ARMH4: variants seen among roughly 807,000 people sequenced by gnomAD.
The protein encoded by ARMH4 is armadillo-like helical domain-containing protein 4.
In ARMH4, 49 loss-of-function variants were observed where a neutral mutation model predicts 61.9. That is an observed-to-expected ratio of 0.79 (90% CI 0.63 to 1.00). The LOEUF (loss-of-function observed/expected upper bound fraction) is 1.00. Among genes scored for constraint, ARMH4 ranks in the 50% least tolerant of loss-of-function variants. ARMH4 has a pLI of 0.00. For missense variants in ARMH4, 934 were observed against 930.0 expected, an observed-to-expected ratio of 1.00 and a Z score of -0.06; for synonymous variants, 368 against 341.5, an observed-to-expected ratio of 1.08 and a Z score of -0.85.
At chr14:58,023,727 T>C (rs1882924684) in intron 5 of ARMH4, among the ~76,000 whole-genome samples, 1 of 152,198 alleles carries the variant, frequency 6.6e-6, no homozygotes, top group Non-Finnish European at 1.5e-5. Flanking sequence ...CCTTATGAAA[T>C]GTATTTCTTA....
intron 2 of ARMH4, among the ~76,000 whole-genome samples, chr14:58,135,494 G>A (rs1162751435): frequency 6.6e-6 from 1 of 152,098 alleles, no homozygotes. Flanking sequence ...GTAATTTTAT[G>A]AAATAGCAAG....
At chr14:58,046,385 T>C (rs1251235983) in intron 5 of ARMH4, among the ~76,000 whole-genome samples, 1 of 152,172 alleles carries the variant, frequency 6.6e-6, no homozygotes, top group Non-Finnish European at 1.5e-5. Context: ...ATATATTATA[T>C]TTAAATTGTA....
intron 5 of ARMH4, among the ~76,000 whole-genome samples, chr14:58,064,166 T>C (rs1473178290): frequency 1.3e-5 from 2 of 150,040 alleles, no homozygotes; most frequent in African/African-American, 2.5e-5. Flanking sequence ...CTTATAATAT[T>C]TATGCATTCA....
rs763551388 is a variant in ARMH4 at position 58,138,378 on chromosome 14, G to C, written c.981C>G (p.Thr327=). The C allele has an allele frequency of 6.2e-7, 1 of 1,614,128 alleles. No homozygotes were observed. Among genetic ancestry groups the C allele is most frequent in the East Asian group, 2.2e-5 (1 of 44,872 alleles). ...TKLESVSRIR[T]PKLGDNEETQ... ...TCTCTTCATTGTCTCCAAGCTTGGG[G>C]GTCCTTATCCGGCTTACACTCTCTA... Residue 327 remains threonine (T), a synonymous_variant, in exon 2 of 8, where the codon ACC becomes ACG. Coordinates refer to ENST00000267485, the MANE Select transcript of ARMH4 (RefSeq NM_001001872.4).
intron 5 of ARMH4, among the ~76,000 whole-genome samples, chr14:58,075,827 C>T (rs1197912082): frequency 6.6e-6 from 1 of 152,136 alleles, no homozygotes; most frequent in African/African-American, 2.4e-5. Context: ...CAAATCTTGG[C>T]TCTGCCATTT....
Position 58,100,126 on chromosome 14 carries a change from G to A in ARMH4, c.1832-3145C>T, listed in dbSNP as rs114731554. Among the ~76,000 whole-genome samples the A allele has an allele frequency of 7.9e-3, 1,209 of 152,292 alleles. 16 individuals carry two copies. The highest frequency in any genetic ancestry group is 0.028 in the African/African-American group (1,156 of 41,554). On this transcript the variant is annotated intron_variant, in intron 4 of 7. Transcript: ENST00000267485. ...AGGCAGAGAAACAGGCATGGTGCAG[G>A]AAGGTGGGCAGATTTGGTGGGTAGG...
At chr14:58,074,374 A>G (rs1884977763) in intron 5 of ARMH4, among the ~76,000 whole-genome samples, 1 of 152,178 alleles carries the variant, frequency 6.6e-6, no homozygotes, top group African/African-American at 2.4e-5. Context: ...ATCTACTGTT[A>G]AACTATTCCT....
chr14:58,053,729 G>A (rs1594725208), intron 5 of ARMH4, among the ~76,000 whole-genome samples: 1 of 152,240 alleles, frequency 6.6e-6, no homozygotes, highest in Middle Eastern at 3.4e-3. Flanking sequence ...CCTGTGTCTG[G>A]GAGCACACTG....
intron 5 of ARMH4, among the ~76,000 whole-genome samples, chr14:58,088,137 A>C: frequency 6.6e-6 from 1 of 152,200 alleles, no homozygotes; most frequent in East Asian, 1.9e-4. Flanking sequence ...AATAGGTACG[A>C]TACAGCAGGA....
At chr14:58,055,711 G>A (rs924077965) in intron 5 of ARMH4, among the ~76,000 whole-genome samples, 5 of 152,200 alleles carry the variant, frequency 3.3e-5, no homozygotes, top group Admixed American at 1.3e-4. Flanking sequence ...ACTTTAATCA[G>A]ATGCCCAGAT....
intron 4 of ARMH4, among the ~76,000 whole-genome samples, chr14:58,100,401 G>A (rs376879468): frequency 2.0e-5 from 3 of 152,278 alleles, no homozygotes; most frequent in East Asian, 3.9e-4. Flanking sequence ...TCAGCTGCTT[G>A]GGCGCAGGCA....
chr14:58,129,202 G>C (rs1887002995), intron 4 of ARMH4, among the ~76,000 whole-genome samples: 1 of 152,176 alleles, frequency 6.6e-6, no homozygotes, highest in Non-Finnish European at 1.5e-5. Context: ...GTGAGAAGCA[G>C]GGAAGAAGAC....
At chr14:58,104,860 G>A (rs1431574789) in intron 4 of ARMH4, among the ~76,000 whole-genome samples, 1 of 152,186 alleles carries the variant, frequency 6.6e-6, no homozygotes, top group Non-Finnish European at 1.5e-5. Context: ...TATAAACAAT[G>A]AGATAGATGC....
At chr14:58,099,366 A>G (rs1295801805) in intron 4 of ARMH4, among the ~76,000 whole-genome samples, 1 of 152,196 alleles carries the variant, frequency 6.6e-6, no homozygotes, top group Non-Finnish European at 1.5e-5. Context: ...AGGAAACAGG[A>G]GTAACCACCA....
chr14:58,071,628 A>G (rs1884885402), intron 5 of ARMH4, among the ~76,000 whole-genome samples: 1 of 152,098 alleles, frequency 6.6e-6, no homozygotes, highest in Non-Finnish European at 1.5e-5. Context: ...GAAATAAGGG[A>G]AAGACAGACT....
At chr14:58,097,694 T>A (rs910999286) in intron 4 of ARMH4, among the ~76,000 whole-genome samples, 68 of 124,730 alleles carry the variant, frequency 5.5e-4, no homozygotes, top group Middle Eastern at 8.5e-3. Flanking sequence ...TTTTTTTTTT[T>A]ATTTTTTATT....
rs1028923335 is a variant in ARMH4 at position 58,138,952 on chromosome 14, G to C, written c.407C>G (p.Pro136Arg). ...CATGGCCTTGGCAAGTCCACTTTCA[G>C]GAGATATTCTCTCTGGCTGGCTGGA... The part of the protein sequence containing the change: ...FGSSQPERIS[P>R]ESGLAKAMLT... Residue 136 changes from proline (P) to arginine (R), a missense_variant, in exon 2 of 8, where the codon CCT becomes CGT. Transcript: ENST00000267485. 6.2e-7 allele frequency: 1 copy of C among 1,614,228 alleles called. No individual in the cohort carries two copies. Among genetic ancestry groups the C allele is most frequent in the Admixed American group, 1.7e-5 (1 of 60,022 alleles).
At position 58,145,314 on chromosome 14, in the gene ARMH4, C is replaced by G. The variant is rs58192766; in HGVS notation, c.-56-5900G>C. On this transcript the variant is annotated intron_variant, in intron 1 of 7. Transcript: ENST00000267485. ...AAAATGAGGAATTAAAATAATCATT[C>G]AAATCCCTTCTTCATCCATGATTTT... is the stretch of plus-strand genomic sequence containing the variant. Among the ~76,000 whole-genome samples the G allele has an allele frequency of 8.6e-3, 1,316 of 152,312 alleles. 20 individuals carry two copies. Among genetic ancestry groups the G allele is most frequent in the African/African-American group, 0.03 (1,245 of 41,568 alleles).
chr14:58,106,121 T>A (rs996647563), intron 4 of ARMH4, among the ~76,000 whole-genome samples: 2 of 152,224 alleles, frequency 1.3e-5, no homozygotes, highest in East Asian at 3.8e-4. Context: ...TTCACTCTTG[T>A]TGAACCAGCA....
Sources: allele counts gnomAD v4.1 joint callset (sites outside exome capture counted in the v4.1 genomes callset), GRCh38; gene constraint gnomAD v4.1.1; transcripts MANE v1.5; gene names NCBI Gene and HGNC (gene_info 2026-07-23, HGNC 2026-07-21).